Variants in ALKBH5 observed in about 807,000 individuals in gnomAD.
The protein encoded by ALKBH5 is RNA demethylase ALKBH5.
Under a neutral mutation model 32.1 loss-of-function variants are expected in ALKBH5, and 2 were observed. The ratio of observed to expected loss-of-function variants is 0.06; its 90% CI spans 0.03 to 0.20. ALKBH5 has a LOEUF of 0.20. Ranked by LOEUF, ALKBH5 falls within the 10% of genes least tolerant of loss-of-function variation. The pLI, the probability that ALKBH5 is intolerant of heterozygous loss-of-function variation, is 1.00. For missense variants in ALKBH5, 352 were observed against 559.5 expected, an observed-to-expected ratio of 0.63 and a Z score of 3.74; for synonymous variants, 300 against 231.7, an observed-to-expected ratio of 1.29 and a Z score of -2.68.
At chr17:18,201,811 AGATAGATAGATAGATAGATAGATAGAT>A (rs2047240859) in intron 2 of ALKBH5, among the ~76,000 whole-genome samples, 1 of 73,494 alleles carries the variant, frequency 1.4e-5, no homozygotes, top group East Asian at 2.4e-4. Context: ...ATAGATAGAT[AGATAGATAGATAGATAGATAGATAGAT>A]GATAGATAGA....
intron 2 of ALKBH5, among the ~76,000 whole-genome samples, chr17:18,196,673 A>G (rs890451842): frequency 3.9e-5 from 6 of 152,182 alleles, no homozygotes; most frequent in African/African-American, 1.4e-4. Context: ...ATTGATATTG[A>G]TCATCTGGCC....
rs1491101824 is a variant in ALKBH5, at chr17:18,201,794, A to AGGATAGATAAGATAGAT, written c.852-5021_852-5020insGGATAGATAAGATAGAT. Among the ~76,000 whole-genome samples the AGGATAGATAAGATAGAT allele has an allele frequency of 5.9e-3, 789 of 134,452 alleles. 6 individuals are homozygous for AGGATAGATAAGATAGAT. Among genetic ancestry groups the AGGATAGATAAGATAGAT allele is most frequent in the South Asian group, 0.016 (62 of 3,986 alleles). 88.2% of individuals were successfully genotyped at this position (134,452 alleles called of 152,430 possible). ...AGATAGATAGATAGATAGGATAGAT[A>AGGATAGATAAGATAGAT]AGATAGATAGATAGATAGATAGATA... On this transcript the variant is annotated intron_variant, in intron 2 of 3. Transcript: ENST00000399138.
Position 18,184,385 on chromosome 17 carries a change from G to T in ALKBH5, c.142G>T (p.Ala48Ser). The T allele has an allele frequency of 6.5e-7, 1 of 1,532,326 alleles. No homozygotes were observed. The highest frequency in any genetic ancestry group is 8.8e-7 in the Non-Finnish European group (1 of 1,141,490). 94.9% of individuals were successfully genotyped at this position (1,532,326 alleles called of 1,614,324 possible). Reference sequence around the variant, plus strand: ...CGCCGCAGCCGCAGCCGCCGCTGCCGCCGAACCTTACCCTGTGTCCGGGGC... The same window carrying T: ...CGCCGCAGCCGCAGCCGCCGCTGCCTCCGAACCTTACCCTGTGTCCGGGGC... ...VAAAAAAAAA[A>S]EPYPVSGAKR... Residue 48 changes from alanine (A) to serine (S), a missense_variant, in exon 1 of 4, where the codon GCC (alanine) becomes TCC (serine). Coordinates refer to ENST00000399138, the MANE Select transcript of ALKBH5 (RefSeq NM_017758.4).
Position 18,184,366 on chromosome 17 carries a change from A to AGCCGCAGCCGCCGCT in ALKBH5, c.129_143dup (p.Ala44_Ala48dup). 2.0e-6 allele frequency: 3 copies of AGCCGCAGCCGCCGCT among 1,516,206 alleles called. No individual in the cohort carries two copies. The highest frequency in any genetic ancestry group is 1.4e-5 in the African/African-American group (1 of 69,940). The allele number at this position is 1,516,206 out of a possible 1,614,324, so 93.9% of individuals were successfully genotyped here. Reference sequence around the variant, plus strand: ...CTGCCGCAGCCGCCGTAGCCGCCGCAGCCGCAGCCGCCGCTGCCGCCGAAC... The same window carrying AGCCGCAGCCGCCGCT: ...CTGCCGCAGCCGCCGTAGCCGCCGCAGCCGCAGCCGCCGCTGCCGCAGCCGCCGCTGCCGCCGAAC... On this transcript the variant is annotated inframe_insertion, in exon 1 of 4. Coordinates refer to ENST00000399138, the MANE Select transcript of ALKBH5 (RefSeq NM_017758.4).
Position 18,205,247 on chromosome 17 carries a change from A to C in ALKBH5, c.852-1568A>C, listed in dbSNP as rs540653627. Among the ~76,000 whole-genome samples, 7 of 152,182 alleles carry C rather than the reference A, an allele frequency of 4.6e-5. 1 individual carries two copies. The South Asian group carries it at 1.5e-3, about 32-fold the overall frequency. ...CAGATGGGGAAACTGAGGCCCGAGG[A>C]GGGATGGTGACTAGCTTGGACTCTG... On this transcript the variant is annotated intron_variant, in intron 2 of 3. Coordinates refer to ENST00000399138, the MANE Select transcript of ALKBH5 (RefSeq NM_017758.4).
At position 18,184,313 on chromosome 17, in the gene ALKBH5, A is replaced by C. The variant is rs1016845020; in HGVS notation, c.70A>C (p.Lys24Gln). The C allele has an allele frequency of 1.3e-6, 2 of 1,520,804 alleles. No homozygotes were observed. The highest frequency in any genetic ancestry group is 1.2e-5 in the South Asian group (1 of 81,020). The allele number at this position is 1,520,804 out of a possible 1,614,324, so 94.2% of individuals were successfully genotyped here. The change falls in exon 1 of 4, where the codon AAG (lysine) becomes CAG (glutamine). Residue 24 changes from lysine to glutamine, a missense_variant. Physicochemically the swap from Lys to Gln is moderately conservative, Grantham distance 53. Coordinates refer to ENST00000399138, the MANE Select transcript of ALKBH5 (RefSeq NM_017758.4). ...GTCCATGACGTCCCGGGACAACTAT[A>C]AGGCGGGCAGCCGGGAGGCCGCCGC... The part of the protein sequence containing the change: ...LKSMTSRDNY[K>Q]AGSREAAAAA...
rs376859691 is a variant in ALKBH5, at chr17:18,184,530, G to A, written c.287G>A (p.Ser96Asn). The change falls in exon 1 of 4, where the codon AGC (serine) becomes AAC (asparagine). Residue 96 changes from serine (S) to asparagine (N), a missense_variant. Transcript: ENST00000399138. ...KSGIRQMRLF[S>N]QDECAKIEAR... ...GGCATCCGCCAGATGCGCCTCTTCA[G>A]CCAGGACGAGTGCGCCAAGATCGAG... 11 of 1,613,140 alleles carry A rather than the reference G, an allele frequency of 6.8e-6. No individual in the cohort carries two copies. The highest frequency in any genetic ancestry group is 1.3e-5 in the African/African-American group (1 of 74,948).
chr17:18,194,394 T>G (rs1388504390), intron 1 of ALKBH5, among the ~76,000 whole-genome samples: 2 of 152,214 alleles, frequency 1.3e-5, no homozygotes, highest in Non-Finnish European at 2.9e-5. Flanking sequence ...TTTCAGGTGA[T>G]CCGCCCACCT....
chr17:18,206,400 C>T (rs2047269249), intron 2 of ALKBH5, among the ~76,000 whole-genome samples: 1 of 152,142 alleles, frequency 6.6e-6, no homozygotes, highest in Admixed American at 6.5e-5. Context: ...CCTCTACAGG[C>T]CTGGACCAGG....
intron 1 of ALKBH5, among the ~76,000 whole-genome samples, chr17:18,188,323 C>T (rs2047152057): frequency 6.6e-6 from 1 of 152,242 alleles, no homozygotes; most frequent in South Asian, 2.1e-4. Flanking sequence ...TGGCCACATG[C>T]CCAGAGACCC....
chr17:18,201,775 A>ATAGATAGATAGATAGATAGG lies in ALKBH5; in HGVS notation c.852-5029_852-5028insATAGATAGGTAGATAGATAG, dbSNP rs1214928957. ...GATAGATAGATAGATAGATAGATAG[A>ATAGATAGATAGATAGATAGG]TAGATAGATAGGATAGATAAGATAG... is the stretch of plus-strand genomic sequence containing the variant. On this transcript the variant is annotated intron_variant, in intron 2 of 3. Coordinates refer to ENST00000399138, the MANE Select transcript of ALKBH5 (RefSeq NM_017758.4). Among the ~76,000 whole-genome samples, 893 of 141,674 alleles carry ATAGATAGATAGATAGATAGG rather than the reference A, an allele frequency of 6.3e-3. 9 individuals carry two copies. Among genetic ancestry groups the ATAGATAGATAGATAGATAGG allele is most frequent in the South Asian group, 0.026 (111 of 4,200 alleles). The allele number at this position is 141,674 out of a possible 152,430, so 92.9% of individuals were successfully genotyped here.
chr17:18,201,775 A>ATAGG (rs1555550993), intron 2 of ALKBH5, among the ~76,000 whole-genome samples: 4,874 of 141,780 alleles, frequency 0.034, 131 homozygotes, highest in Middle Eastern at 0.057. Flanking sequence ...AGATAGATAG[A>ATAGG]TAGATAGATA....
chr17:18,192,114 G>A (rs1432898804), intron 1 of ALKBH5, among the ~76,000 whole-genome samples: 2 of 152,178 alleles, frequency 1.3e-5, no homozygotes, highest in Admixed American at 6.5e-5. Flanking sequence ...GGGCCCAGGC[G>A]GCCCCCACTA....
At position 18,184,444 on chromosome 17, in the gene ALKBH5, G is replaced by T. The variant is rs1347788665; in HGVS notation, c.201G>T (p.Glu67Asp). ...KRKYQEDSDP[E>D]RSDYEEQQLQ... ...AGTATCAGGAGGACTCGGACCCCGA[G>T]CGCAGCGACTATGAGGAGCAGCAGC... Residue 67 changes from glutamate to aspartate, a missense_variant, in exon 1 of 4, where the codon GAG becomes GAT. Coordinates refer to ENST00000399138, the MANE Select transcript of ALKBH5 (RefSeq NM_017758.4). 1.9e-6 allele frequency: 3 copies of T among 1,607,278 alleles called. No individual in the cohort carries two copies. Among genetic ancestry groups the T allele is most frequent in the Non-Finnish European group, 2.5e-6 (3 of 1,177,272 alleles).
At chr17:18,188,508 TG>T (rs1339137820) in intron 1 of ALKBH5, among the ~76,000 whole-genome samples, 1 of 152,236 alleles carries the variant, frequency 6.6e-6, no homozygotes, top group Non-Finnish European at 1.5e-5. Context: ...TTTAGCTTTC[TG>T]GCTTAAAATA....
chr17:18,194,240 G>A (rs1597838261), intron 1 of ALKBH5, among the ~76,000 whole-genome samples: 1 of 152,004 alleles, frequency 6.6e-6, no homozygotes, highest in Non-Finnish European at 1.5e-5. Context: ...TGCAACTTCT[G>A]CCTCCTAGGT....
chr17:18,191,588 GCATA>G (rs770045232), intron 1 of ALKBH5, among the ~76,000 whole-genome samples: 1 of 152,146 alleles, frequency 6.6e-6, no homozygotes, highest in Non-Finnish European at 1.5e-5. Context: ...CCTTGGTTAT[GCATA>G]TAGCCAAGTC....
chr17:18,193,956 C>T (rs1347769531), intron 1 of ALKBH5, among the ~76,000 whole-genome samples: 1 of 152,132 alleles, frequency 6.6e-6, no homozygotes, highest in Non-Finnish European at 1.5e-5. Flanking sequence ...GGCTGCCATG[C>T]TTCCAGTGAT....
At chr17:18,185,121 C>G in intron 1 of ALKBH5, 108 bp downstream of exon 1, 1 of 1,494,014 alleles carries the variant, frequency 6.7e-7, no homozygotes, top group Non-Finnish European at 8.9e-7. Flanking sequence ...CAGTTCTGAC[C>G]AGTTCTTCTG....
Sources: gnomAD v4.1 joint callset for allele counts (sites outside exome capture counted in the v4.1 genomes callset) on GRCh38, gnomAD v4.1.1 for gene constraint, MANE v1.5 for transcripts, NCBI Gene and HGNC (gene_info 2026-07-23, HGNC 2026-07-21) for gene names.